MYO7A: variants seen among roughly 807,000 people sequenced by gnomAD.
MYO7A encodes the protein unconventional myosin-VIIa.
Under a neutral mutation model 263.8 loss-of-function variants are expected in MYO7A, and 210 were observed. That is an observed-to-expected ratio of 0.80 (90% CI 0.71 to 0.89). MYO7A has a LOEUF of 0.89. Among genes scored for constraint, MYO7A ranks in the 40% least tolerant of loss-of-function variants. The probability of loss-of-function intolerance (pLI) is 0.00; values close to 1 mark genes in which losing one functional copy is unlikely to be tolerated. For synonymous variants in MYO7A, 1,239 were observed against 1,197.3 expected (o/e 1.03, Z -0.72); for missense variants, 2,820 against 2,968.3 (o/e 0.95, Z 1.16).
At chr11:77,206,291 C>T (rs1000985366) in intron 41 of MYO7A, 89 bp downstream of exon 41, 4 of 978,246 alleles carry the variant, frequency 4.1e-6, no homozygotes, top group African/African-American at 1.7e-5. Context: ...AGCCTCTCCC[C>T]CATCACCTGA....
At position 77,198,628 on chromosome 11, in the gene MYO7A, A is replaced by C. The variant is rs2135670686; in HGVS notation, c.4568+7A>C. ...TGGCCGTGTCCAGCAGCAGGTGAGG[A>C]GGCCCGCATGGAGATGCAGACAGAC... On this transcript the variant is annotated splice_region_variant and intron_variant, in intron 34 of 48. Coordinates refer to ENST00000409709, the MANE Select transcript of MYO7A (RefSeq NM_000260.4). 1.9e-6 allele frequency: 3 copies of C among 1,613,602 alleles called. No homozygotes were observed. Among genetic ancestry groups the C allele is most frequent in the Non-Finnish European group, 2.5e-6 (3 of 1,179,800 alleles).
Position 77,213,967 on chromosome 11 carries a change from C to A in MYO7A, c.6546C>A (p.Cys2182Ter). The A allele has an allele frequency of 6.2e-7, 1 of 1,614,050 alleles. No homozygotes were observed. The highest frequency in any genetic ancestry group is 2.2e-5 in the East Asian group (1 of 44,886). The change falls in exon 48 of 49, where the codon TGC (cysteine) becomes TGA (stop). Residue 2182 changes from cysteine to a stop codon, truncating the protein, a stop_gained. Transcript: ENST00000409709. LOFTEE classifies it high-confidence loss of function. ...GNLVRGSKLL[C>*]ETSLGYKMDD... ...TGGTGCGCGGGAGCAAACTGCTCTGCGAGACGTCACTGGTGAGGGCGCATC... is the reference window on the plus strand; with the variant it reads ...TGGTGCGCGGGAGCAAACTGCTCTGAGAGACGTCACTGGTGAGGGCGCATC...
chr11:77,175,247 G>A (rs1954531096), intron 17 of MYO7A, 125 bp from the exon 18 acceptor site: 2 of 854,480 alleles, frequency 2.3e-6, no homozygotes, highest in Non-Finnish European at 1.9e-6. Context: ...GGACCCAGCT[G>A]AGGTCACACT....
rs1555065482 is a variant in MYO7A at position 77,158,269 on chromosome 11, C to T, written c.850-8C>T. The T allele has an allele frequency of 6.3e-7, 1 of 1,587,092 alleles. No homozygotes were observed. Among genetic ancestry groups the T allele is most frequent in the South Asian group, 1.1e-5 (1 of 88,544 alleles). On this transcript the variant is annotated splice_region_variant and splice_polypyrimidine_tract_variant and intron_variant, in intron 8 of 48. Transcript: ENST00000409709. ...TCTTGCACCCCACTCTCCCACCCTGCCCACCAGGGTAACTGCATAACCTGT... is the reference window on the plus strand; with the variant it reads ...TCTTGCACCCCACTCTCCCACCCTGTCCACCAGGGTAACTGCATAACCTGT...
At position 77,181,576 on chromosome 11, in the gene MYO7A, C is replaced by T. The variant is rs1261399488; in HGVS notation, c.2891C>T (p.Pro964Leu). Residue 964 changes from proline (P) to leucine (L), a missense_variant, in exon 23 of 49, where the codon CCT (proline) becomes CTT (leucine). Physicochemically the swap from Pro to Leu is moderately conservative, Grantham distance 98 (BLOSUM62 -3). Transcript: ENST00000409709. The stretch of plus-strand genomic sequence containing the variant: ...CTGCCAGGCCAGGAGGGCCAGGCAC[C>T]TAGTGGCTTTGAGGTACCAGGCTAG... ...GGLPGQEGQA[P>L]SGFEDLERGR... 2 of 1,613,030 alleles carry T rather than the reference C, an allele frequency of 1.2e-6. No individual in the cohort carries two copies. The highest frequency in any genetic ancestry group is 1.7e-6 in the Non-Finnish European group (2 of 1,179,836).
At chr11:77,145,530 C>G (rs1951500167) in intron 3 of MYO7A, among the ~76,000 whole-genome samples, 1 of 152,156 alleles carries the variant, frequency 6.6e-6, no homozygotes, top group East Asian at 1.9e-4. Flanking sequence ...TGCCCAGGAG[C>G]CCTCTCCCCT....
intron 29 of MYO7A, 65 bp from the exon 30 acceptor site, chr11:77,190,632 A>T: frequency 1.3e-6 from 2 of 1,515,212 alleles, no homozygotes; most frequent in Non-Finnish European, 1.8e-6. Flanking sequence ...CAGAGAGCCA[A>T]AGTCCAGAGG....
At chr11:77,136,386 G>A (rs940113633) in intron 2 of MYO7A, among the ~76,000 whole-genome samples, 2 of 152,158 alleles carry the variant, frequency 1.3e-5, no homozygotes, top group Admixed American at 6.6e-5. Flanking sequence ...CTCAGTAGTC[G>A]TTCTGGAACC....
chr11:77,189,925 G>A (rs1940834998), intron 28 of MYO7A, 95 bp from the exon 29 acceptor site: 1 of 1,441,092 alleles, frequency 6.9e-7, no homozygotes. Context: ...CTGGCCTGGA[G>A]GAGCGGCCTC....
chr11:77,158,421 C>T lies in MYO7A; in HGVS notation c.994C>T (p.Gln332Ter). ...TGCCATCCTGCACCTGGGCAACCTG[C>T]AGTATGAGGGTGAGGCTGCGCCACA... ...LAAILHLGNL[Q>*]YEARTFENLD... Residue 332 changes from glutamine to a stop codon, truncating the protein, a stop_gained, in exon 9 of 49, where the codon CAG becomes TAG. Transcript: ENST00000409709. LOFTEE classifies it high-confidence loss of function. 1 of 1,611,930 alleles carries T rather than the reference C, an allele frequency of 6.2e-7. No homozygotes were observed. Among genetic ancestry groups the T allele is most frequent in the Non-Finnish European group, 8.5e-7 (1 of 1,179,646 alleles).
chr11:77,203,338 G>T (rs1193446471), intron 38 of MYO7A, 121 bp downstream of exon 38: 3 of 1,137,168 alleles, frequency 2.6e-6, no homozygotes. Flanking sequence ...GGTTGATGGA[G>T]TACCCCCTCC....
chr11:77,128,896 C>T (rs184243873), intron 1 of MYO7A, among the ~76,000 whole-genome samples: 1 of 152,152 alleles, frequency 6.6e-6, no homozygotes, highest in Non-Finnish European at 1.5e-5. Context: ...CCAAATATCC[C>T]ATCTGTGAAA....
At chr11:77,151,222 G>A (rs1422239746) in intron 4 of MYO7A, among the ~76,000 whole-genome samples, 1 of 152,218 alleles carries the variant, frequency 6.6e-6, no homozygotes, top group African/African-American at 2.4e-5. Flanking sequence ...TGTGTGGAAG[G>A]GCTGGTGGGG....
At chr11:77,158,528 G>A (rs2135259842) in intron 9 of MYO7A, 98 bp downstream of exon 9, 1 of 1,391,802 alleles carries the variant, frequency 7.2e-7, no homozygotes, top group East Asian at 2.5e-5. Context: ...TTCTGTCCTA[G>A]CACGTGCCCT....
chr11:77,148,712 G>A (rs6592708), intron 4 of MYO7A, among the ~76,000 whole-genome samples: 57,854 of 151,888 alleles, frequency 0.38, 12,752 homozygotes, highest in East Asian at 0.68. Context: ...GTTAAAGCTG[G>A]GACATTTAGA....
At chr11:77,132,493 G>A (rs370854454) in intron 2 of MYO7A, among the ~76,000 whole-genome samples, 1 of 147,890 alleles carries the variant, frequency 6.8e-6, no homozygotes, top group African/African-American at 2.5e-5. Flanking sequence ...GTTTGTTTGT[G>A]TGTGTGTTTG....
At chr11:77,188,586 A>AGTCT (rs782258969) in intron 27 of MYO7A, among the ~76,000 whole-genome samples, 6 of 150,474 alleles carry the variant, frequency 4.0e-5, no homozygotes, top group Admixed American at 6.6e-5. Context: ...GGCAGGCTGC[A>AGTCT]GTCTTAGAGT....
chr11:77,169,558 TC>T (rs1193124063), intron 15 of MYO7A, among the ~76,000 whole-genome samples: 1 of 151,966 alleles, frequency 6.6e-6, no homozygotes, highest in Non-Finnish European at 1.5e-5. Flanking sequence ...CTTTACCCCA[TC>T]CCCATCTGCA....
chr11:77,182,493 G>A lies in MYO7A; in HGVS notation c.3178G>A (p.Ala1060Thr), dbSNP rs1347263875. Residue 1060 changes from alanine to threonine, a missense_variant, in exon 25 of 49, where the codon GCC becomes ACC. Physicochemically the swap from Ala to Thr is moderately conservative, Grantham distance 58. Coordinates refer to ENST00000409709, the MANE Select transcript of MYO7A (RefSeq NM_000260.4). ...GDLPEPKYHT[A>T]MSDGSEKIPV... ...CCTCCCTGAGCCCAAGTACCACACA[G>A]CCATGAGTGATGGCAGTGAGAAGAT... The A allele has an allele frequency of 6.2e-7, 1 of 1,611,462 alleles. No individual in the cohort carries two copies. Among genetic ancestry groups the A allele is most frequent in the Non-Finnish European group, 8.5e-7 (1 of 1,179,846 alleles).
Sources: allele counts gnomAD v4.1 joint callset (sites outside exome capture counted in the v4.1 genomes callset), GRCh38; gene constraint gnomAD v4.1.1; transcripts MANE v1.5; gene names NCBI Gene and HGNC (gene_info 2026-07-23, HGNC 2026-07-21).